The following CCDC92B variants were observed in gnomAD, a reference collection of about 807,000 sequenced individuals.
CCDC92B encodes the protein coiled-coil domain-containing 92B.
CCDC92B carries 2 observed loss-of-function variants against 5.6 expected under a neutral mutation model. That is an observed-to-expected ratio of 0.36 (90% confidence interval 0.15 to 1.12). The LOEUF (loss-of-function observed/expected upper bound fraction) is 1.12, where lower values mean the gene tolerates loss of function less well. Among genes scored for constraint, CCDC92B ranks in the 50% most tolerant of loss-of-function variants. The pLI is 0.40. For synonymous variants in CCDC92B, 115 were observed against 122.3 expected (o/e 0.94, Z 0.39); for missense variants, 271 against 262.2 (o/e 1.03, Z -0.23).
At chr17:2,733,948 C>T (rs1450529793) in intron 2 of CCDC92B, among the ~76,000 whole-genome samples, 2 of 151,464 alleles carry the variant, frequency 1.3e-5, no homozygotes, top group African/African-American at 2.4e-5. Context: ...TTAGTAGAGA[C>T]GGGGTTTCGC....
chr17:2,747,105 A>T (rs1204973194), intron 1 of CCDC92B, among the ~76,000 whole-genome samples: 2 of 152,118 alleles, frequency 1.3e-5, no homozygotes, highest in East Asian at 3.9e-4. Flanking sequence ...CCTCAAGCAG[A>T]GGAGGTCGCT....
chr17:2,730,987 T>C (rs1178897216), intron 2 of CCDC92B, among the ~76,000 whole-genome samples: 1 of 152,224 alleles, frequency 6.6e-6, no homozygotes, highest in Non-Finnish European at 1.5e-5. Flanking sequence ...CTTACCAGTC[T>C]GGACACTTGC....
At chr17:2,742,346 A>G (rs1474676309) in intron 1 of CCDC92B, among the ~76,000 whole-genome samples, 4 of 152,078 alleles carry the variant, frequency 2.6e-5, no homozygotes, top group Non-Finnish European at 5.9e-5. Context: ...GAGCCAACAG[A>G]GTGGATGTGG....
Position 2,724,974 on chromosome 17 carries a change from T to C in CCDC92B, c.205A>G (p.Lys69Glu). 1 of 985,400 alleles carries C rather than the reference T, an allele frequency of 1.0e-6. No individual in the cohort carries two copies. Among genetic ancestry groups the C allele is most frequent in the Non-Finnish European group, 1.2e-6 (1 of 829,988 alleles). The allele number at this position is 985,400 out of a possible 1,614,324, so 61.0% of individuals were successfully genotyped here. A position where few individuals can be genotyped will look rare whatever the true frequency, so the allele number is the denominator to read the frequency against. The change falls in exon 4 of 4, where the codon AAG (lysine) becomes GAG (glutamate). Residue 69 changes from lysine (K) to glutamate (E), a missense_variant. By Grantham distance (56) the Lys-to-Glu change is moderately conservative. Coordinates refer to ENST00000614400, the MANE Select transcript of CCDC92B (RefSeq NM_001355573.2). This position sits in a 1 kb window ranked among gnomAD's most constrained non-coding sequence, Gnocchi z 5.0. Reference protein sequence around the residue: ...QEAASRELESKCRALESQLEA... With the variant: ...QEAASRELESECRALESQLEA... ...AGCTGCGACTCCAGCGCGCGGCACT[T>C]GCTCTCCAGCTCCCGGGACGCCGCC...
chr17:2,723,998 G>A lies in CCDC92B; in HGVS notation c.*413C>T. On this transcript the variant is annotated 3_prime_UTR_variant, in exon 4 of 4. Transcript: ENST00000614400. ...GGGAGGCGGGGGGTGGGGAGCTAGA[G>A]GGCCTGGGGCGCCAATGCCACTCTG... 14 of 979,626 alleles carry A rather than the reference G, an allele frequency of 1.4e-5. No individual in the cohort carries two copies. Among genetic ancestry groups the A allele is most frequent in the Non-Finnish European group, 1.7e-5 (14 of 825,048 alleles). 60.7% of individuals were successfully genotyped at this position (979,626 alleles called of 1,614,324 possible). A position where few individuals can be genotyped will look rare whatever the true frequency, so the allele number is the denominator to read the frequency against.
At chr17:2,744,843 G>A (rs913289117) in intron 1 of CCDC92B, among the ~76,000 whole-genome samples, 1 of 152,032 alleles carries the variant, frequency 6.6e-6, no homozygotes. Flanking sequence ...AACAGATCGT[G>A]TGTGCCCAGG....
rs1179432573 is a variant in CCDC92B at position 2,736,942 on chromosome 17, AT to A, written c.-23-1775del. 2.0e-5 allele frequency among the ~76,000 whole-genome samples: 3 copies of A among 151,776 alleles called. No individual in the cohort carries two copies. In the East Asian group the frequency reaches 5.8e-4, roughly 29 times the overall value. Reference sequence around the variant, plus strand: ...ACATACATACATATAAATAAATACAATAAAAAAGAGAAATAGGAGAGGGGAA... The same window carrying A: ...ACATACATACATATAAATAAATACAAAAAAAAGAGAAATAGGAGAGGGGAA... On this transcript the variant is annotated intron_variant, in intron 1 of 3. Transcript: ENST00000614400.
intron 3 of CCDC92B, among the ~76,000 whole-genome samples, chr17:2,725,370 G>A (rs985253963): frequency 6.6e-6 from 1 of 151,900 alleles, no homozygotes; most frequent in East Asian, 2.0e-4. Flanking sequence ...GTGACACAAC[G>A]AGATTCCGTC....
intron 2 of CCDC92B, among the ~76,000 whole-genome samples, chr17:2,732,181 C>A (rs933759264): frequency 3.9e-5 from 6 of 152,234 alleles, no homozygotes; most frequent in Non-Finnish European, 1.5e-5. Context: ...ACCCACCTCT[C>A]AAGCCCTTCA....
At chr17:2,732,169 G>A (rs922339253) in intron 2 of CCDC92B, among the ~76,000 whole-genome samples, 4 of 152,138 alleles carry the variant, frequency 2.6e-5, no homozygotes, top group Admixed American at 6.5e-5. Context: ...ACCCCAGAAC[G>A]TACCCACCTC....
intron 1 of CCDC92B, among the ~76,000 whole-genome samples, chr17:2,745,528 C>T (rs1302092954): frequency 6.6e-6 from 1 of 152,014 alleles, no homozygotes; most frequent in Non-Finnish European, 1.5e-5. Context: ...CACAAACGAT[C>T]TTGGCAAATA....
In CCDC92B at chr17:2,735,013, C is replaced by A; in HGVS notation, c.130+3G>T. ...CCCGTCCAGCCGCCTCTCCTGGCCT[C>A]ACCTGAGCAGCGTTTCTGCAGCCTC... On this transcript the variant is annotated splice_donor_region_variant and intron_variant, in intron 2 of 3. Transcript: ENST00000614400. The A allele has an allele frequency of 4.1e-6, 4 of 985,568 alleles. No individual in the cohort carries two copies. Among genetic ancestry groups the A allele is most frequent in the Non-Finnish European group, 4.8e-6 (4 of 830,014 alleles). The allele number at this position is 985,568 out of a possible 1,614,324, so 61.1% of individuals were successfully genotyped here.
chr17:2,730,332 G>T, intron 3 of CCDC92B, 114 bp downstream of exon 3: 1 of 486,722 alleles, frequency 2.1e-6, no homozygotes, highest in Non-Finnish European at 2.7e-6. Context: ...GCCAAGGAGT[G>T]ACTATCCCCA....
chr17:2,740,908 G>A (rs2070918518), intron 1 of CCDC92B, among the ~76,000 whole-genome samples: 1 of 148,006 alleles, frequency 6.8e-6, no homozygotes, highest in Admixed American at 6.8e-5. Flanking sequence ...CAAGTCTGCG[G>A]TGAGCCATGA....
chr17:2,737,460 CCTTT>C (rs1355372866), intron 1 of CCDC92B, among the ~76,000 whole-genome samples: 1 of 144,642 alleles, frequency 6.9e-6, no homozygotes, highest in African/African-American at 2.6e-5. Context: ...ACCAAATAGG[CCTTT>C]CTTTTTTTTT....
rs1395851373 is a variant in CCDC92B, at chr17:2,722,669, G to A, written c.*1742C>T. 1.3e-5 allele frequency: 2 copies of A among 152,238 alleles called. No homozygotes were observed. Among genetic ancestry groups the A allele is most frequent in the Non-Finnish European group, 2.9e-5 (2 of 68,080 alleles). 9.4% of individuals were successfully genotyped at this position (152,238 alleles called of 1,614,324 possible). On this transcript the variant is annotated 3_prime_UTR_variant, in exon 4 of 4. Coordinates refer to ENST00000614400, the MANE Select transcript of CCDC92B (RefSeq NM_001355573.2). ...GGGAGAAGAGCTCGTCACCCCTAGA[G>A]CTTGACTCTGCTCACCTCCCAGACC...
At chr17:2,736,893 AATAAAT>A (rs2070864249) in intron 1 of CCDC92B, among the ~76,000 whole-genome samples, 1 of 150,906 alleles carries the variant, frequency 6.6e-6, no homozygotes, top group African/African-American at 2.5e-5. Context: ...AAAATAAATA[AATAAAT>A]AAATAAATAA....
rs2070693372 is a variant in CCDC92B at position 2,724,109 on chromosome 17, C to CCTGT, written c.*298_*301dup. The CCTGT allele has an allele frequency of 1.0e-6, 1 of 985,216 alleles. No individual in the cohort carries two copies. The highest frequency in any genetic ancestry group is 4.7e-5 in the South Asian group (1 of 21,292). The allele number at this position is 985,216 out of a possible 1,614,324, so 61.0% of individuals were successfully genotyped here. On this transcript the variant is annotated 3_prime_UTR_variant, in exon 4 of 4. Transcript: ENST00000614400. The surrounding 1 kb of genome is among the most constrained non-coding windows in gnomAD (Gnocchi z 5.0). The stretch of plus-strand genomic sequence containing the variant: ...GGGGAAGGGCGTGGCCCCCGCCCCT[C>CCTGT]CTGTCTCACAGGCAGGTGGGACCAG...
intron 3 of CCDC92B, among the ~76,000 whole-genome samples, chr17:2,727,679 C>G (rs1329332929): frequency 6.6e-6 from 1 of 152,060 alleles, no homozygotes; most frequent in African/African-American, 2.4e-5. Context: ...CAAAAATTAG[C>G]TGGGTATGGT....
Sources: gnomAD v4.1 joint callset for allele counts (sites outside exome capture counted in the v4.1 genomes callset) on GRCh38, gnomAD v4.1.1 for gene constraint, Gnocchi (gnomAD v3.1) non-coding constraint, MANE v1.5 for transcripts, NCBI Gene and HGNC (gene_info 2026-07-23, HGNC 2026-07-21) for gene names.